ZNF536: variants seen among roughly 807,000 people sequenced by gnomAD.
ZNF536 encodes the protein zinc finger protein 536.
In ZNF536, 13 loss-of-function variants were observed where a neutral mutation model predicts 84.5. The ratio of observed to expected loss-of-function variants is 0.15; its 90% CI spans 0.10 to 0.24. ZNF536 has a LOEUF of 0.24. Ranked by LOEUF, ZNF536 falls within the 10% of genes least tolerant of loss-of-function variation. ZNF536 has a pLI of 1.00. For synonymous variants in ZNF536, 811 were observed against 742.5 expected (o/e 1.09, Z -1.50); for missense variants, 1,536 against 1,747.5 (o/e 0.88, Z 2.16).
intron 2 of ZNF536, among the ~76,000 whole-genome samples, chr19:30,339,668 G>T (rs1266005667): frequency 6.6e-6 from 1 of 152,186 alleles, no homozygotes; most frequent in Non-Finnish European, 1.5e-5. Context: ...CCCTCTGGGG[G>T]CTGGAGGTTG....
chr19:30,547,435 TC>T (rs2045599529), intron 3 of ZNF536, among the ~76,000 whole-genome samples: 1 of 152,250 alleles, frequency 6.6e-6, no homozygotes, highest in Non-Finnish European at 1.5e-5. Context: ...GCTAATTATA[TC>T]CATGATTTAC....
At chr19:30,305,978 C>T (rs1440788949) in intron 2 of ZNF536, among the ~76,000 whole-genome samples, 2 of 152,292 alleles carry the variant, frequency 1.3e-5, no homozygotes, top group African/African-American at 2.4e-5. Flanking sequence ...CGGTTTTTTT[C>T]CCCCCTCCAA....
At chr19:30,225,815 G>T (rs1325619898), upstream of ZNF536, among the ~76,000 whole-genome samples, 1 of 143,944 alleles carries the variant, frequency 6.9e-6, no homozygotes, top group African/African-American at 2.5e-5. Context: ...CGGCCCCCCC[G>T]TCCCCTCCCC....
chr19:30,619,458 C>T (rs1188774298), intron 1 of ZNF536, among the ~76,000 whole-genome samples: 1 of 152,178 alleles, frequency 6.6e-6, no homozygotes, highest in African/African-American at 2.4e-5. Flanking sequence ...CTCAAAGCAG[C>T]TCAATATATG....
At chr19:30,538,033 A>G (rs2045164978) in intron 3 of ZNF536, among the ~76,000 whole-genome samples, 1 of 152,258 alleles carries the variant, frequency 6.6e-6, no homozygotes, top group Non-Finnish European at 1.5e-5. Context: ...ATAAACATCT[A>G]TTATGACAAT....
intron 1 of ZNF536, among the ~76,000 whole-genome samples, chr19:30,281,958 T>G (rs1426974934): frequency 6.6e-6 from 1 of 152,232 alleles, no homozygotes; most frequent in Non-Finnish European, 1.5e-5. Context: ...GTTATGCCAC[T>G]GACTGTGTTA....
chr19:30,646,729 T>G (rs892095), intron 1 of ZNF536, among the ~76,000 whole-genome samples: 144,670 of 152,256 alleles, frequency 0.95, 68,988 homozygotes, highest in Non-Finnish European at 0.99. Flanking sequence ...GTATTCATCA[T>G]ATTTCAATAA....
intron 2 of ZNF536, among the ~76,000 whole-genome samples, chr19:30,520,779 G>A (rs765228012): frequency 6.6e-4 from 101 of 152,084 alleles, no homozygotes; most frequent in Non-Finnish European, 1.1e-3. Flanking sequence ...CCTTGTAGAT[G>A]GTGGGGTTGG....
intron 2 of ZNF536, among the ~76,000 whole-genome samples, chr19:30,336,200 G>A (rs2047379519): frequency 6.6e-6 from 1 of 152,176 alleles, no homozygotes; most frequent in Non-Finnish European, 1.5e-5. Context: ...GGGGACTTGA[G>A]TCCAGCTGGA....
At chr19:30,458,451 T>TCTTTTTG (rs201216296) in intron 2 of ZNF536, among the ~76,000 whole-genome samples, 1 of 142,112 alleles carries the variant, frequency 7.0e-6, no homozygotes, top group East Asian at 2.0e-4. Flanking sequence ...CCTGCTGTTT[T>TCTTTTTG]TTTTTTTTTT....
intron 1 of ZNF536, among the ~76,000 whole-genome samples, chr19:30,685,932 G>T (rs923309950): frequency 6.6e-6 from 1 of 152,188 alleles, no homozygotes; most frequent in Non-Finnish European, 1.5e-5. Context: ...CTGTATCTCT[G>T]CAAAGAAATA....
chr19:30,584,751 A>C (rs2047039293), intron 1 of ZNF536, among the ~76,000 whole-genome samples: 1 of 152,166 alleles, frequency 6.6e-6, no homozygotes, highest in South Asian at 2.1e-4. Flanking sequence ...GTTCTAATTT[A>C]GCCTTCTGCA....
At position 30,673,047 on chromosome 19, in the gene ZNF536, G is replaced by T. The variant is rs573590419; in HGVS notation, c.170-37710G>T. On this transcript the variant is annotated intron_variant, in intron 1 of 1. Transcript: ENST00000592773. ...TTGGCCAGAAAGCCCCATATGCTTT[G>T]GCATATGTGGAAACAGCCTGCAGGA... is the stretch of plus-strand genomic sequence containing the variant. Among the ~76,000 whole-genome samples, 6 of 152,098 alleles carry T rather than the reference G, an allele frequency of 3.9e-5. No individual in the cohort carries two copies. The South Asian group carries it at 8.3e-4, about 21-fold the overall frequency.
At chr19:30,459,494 G>T (rs560685015) in intron 2 of ZNF536, among the ~76,000 whole-genome samples, 2 of 151,982 alleles carry the variant, frequency 1.3e-5, no homozygotes, top group South Asian at 2.1e-4. Context: ...GGGACTCCAG[G>T]TGCATCCCAT....
chr19:30,421,029 T>A lies in ZNF536; in HGVS notation c.-2-22532T>A, dbSNP rs1376927706. Reference sequence around the variant, plus strand: ...AGACGGGGCTCTTCTTTCCCGTGGCTTTGAGGGAAGTAGGGATCTGTTACC... The same window carrying A: ...AGACGGGGCTCTTCTTTCCCGTGGCATTGAGGGAAGTAGGGATCTGTTACC... On this transcript the variant is annotated intron_variant, in intron 1 of 4. Coordinates refer to ENST00000355537, the MANE Select transcript of ZNF536 (RefSeq NM_014717.3). Among the ~76,000 whole-genome samples the A allele has an allele frequency of 2.0e-5, 3 of 152,050 alleles. No individual in the cohort carries two copies. In the East Asian group the frequency reaches 5.8e-4, roughly 29 times the overall value.
intron 1 of ZNF536, among the ~76,000 whole-genome samples, chr19:30,630,401 G>A (rs1201476187): frequency 1.3e-3 from 2 of 1,504 alleles, no homozygotes; most frequent in African/African-American, 1.8e-3. Context: ...GAAGTATCCC[G>A]TGTGTGTGTG....
At chr19:30,613,905 C>T (rs1049048368) in intron 1 of ZNF536, among the ~76,000 whole-genome samples, 9 of 152,224 alleles carry the variant, frequency 5.9e-5, no homozygotes, top group Admixed American at 2.6e-4. Flanking sequence ...CTCTGTTGTC[C>T]GGGCTGGAGC....
intron 2 of ZNF536, among the ~76,000 whole-genome samples, chr19:30,501,971 AG>A (rs1477393943): frequency 6.6e-6 from 1 of 152,184 alleles, no homozygotes; most frequent in Non-Finnish European, 1.5e-5. Flanking sequence ...GCTCCAGGGG[AG>A]ACACTTTGGG....
chr19:30,656,336 G>A (rs549112881), intron 1 of ZNF536, among the ~76,000 whole-genome samples: 11 of 152,032 alleles, frequency 7.2e-5, no homozygotes, highest in South Asian at 2.1e-4. Context: ...TGGCAGTGCC[G>A]GACCATTTTC....
Sources: gnomAD v4.1 joint callset for allele counts (sites outside exome capture counted in the v4.1 genomes callset) on GRCh38, gnomAD v4.1.1 for gene constraint, MANE v1.5 for transcripts, NCBI Gene and HGNC (gene_info 2026-07-23, HGNC 2026-07-21) for gene names.